The following CPE variants were observed in gnomAD, a reference collection of about 807,000 sequenced individuals.
CPE encodes carboxypeptidase E.
In CPE, 17 loss-of-function variants were observed where a neutral mutation model predicts 53.5. The observed-to-expected ratio is 0.32, with a 90% CI of 0.22 to 0.48. The LOEUF (loss-of-function observed/expected upper bound fraction) is 0.48, where lower values mean the gene tolerates loss of function less well. Among genes scored for constraint, CPE ranks in the 20% least tolerant of loss-of-function variants. The pLI is 0.99. For synonymous variants in CPE, 226 were observed against 228.8 expected, an observed-to-expected ratio of 0.99 and a Z score of 0.11; for missense variants, 524 against 614.7, an observed-to-expected ratio of 0.85 and a Z score of 1.56.
At position 165,480,981 on chromosome 4, in the gene CPE, C is replaced by T. The variant is rs1732396540; in HGVS notation, c.673-1261C>T. ...TCTTCTTTGTTCTTGTCTGTCTCTA[C>T]ATTTTCTACAATGGATATATATATA... is the stretch of plus-strand genomic sequence containing the variant. On this transcript the variant is annotated intron_variant, in intron 3 of 8. Transcript: ENST00000402744. Among the ~76,000 whole-genome samples the T allele has an allele frequency of 2.2e-5, 3 of 138,696 alleles. 1 individual carries two copies. The Middle Eastern group carries it at 0.011, about 514-fold the overall frequency. 91.0% of individuals were successfully genotyped at this position (138,696 alleles called of 152,430 possible).
At chr4:165,430,608 A>C (rs10029342) in intron 1 of CPE, among the ~76,000 whole-genome samples, 44,745 of 151,846 alleles carry the variant, frequency 0.29, 6,644 homozygotes, top group Middle Eastern at 0.39. Context: ...TATAGTTTGC[A>C]CTTCATGTTG....
At chr4:165,471,614 C>T (rs552383894) in intron 3 of CPE, among the ~76,000 whole-genome samples, 17 of 152,252 alleles carry the variant, frequency 1.1e-4, no homozygotes, top group African/African-American at 3.1e-4. Flanking sequence ...TCAGATAAGA[C>T]GTTTTAAATG....
intron 1 of CPE, among the ~76,000 whole-genome samples, chr4:165,389,008 A>G (rs1022545200): frequency 3.3e-5 from 5 of 152,206 alleles, no homozygotes; most frequent in Non-Finnish European, 7.3e-5. Context: ...TAACTCCACA[A>G]AATCAACAAG....
intron 1 of CPE, among the ~76,000 whole-genome samples, chr4:165,461,479 T>A (rs374264417): frequency 1.3e-5 from 2 of 151,994 alleles, no homozygotes; most frequent in East Asian, 3.9e-4. Context: ...ACTGATGGGT[T>A]CTTTGGTGGA....
At chr4:165,488,188 C>CATCATTATAATCATCACTAAATTAAA (rs1311700618) in intron 6 of CPE, among the ~76,000 whole-genome samples, 1 of 152,138 alleles carries the variant, frequency 6.6e-6, no homozygotes, top group African/African-American at 2.4e-5. Flanking sequence ...TTATCATCAT[C>CATCATTATAATCATCACTAAATTAAA]ATCATTATAA....
chr4:165,448,590 A>G (rs944764866), intron 1 of CPE, among the ~76,000 whole-genome samples: 2 of 152,018 alleles, frequency 1.3e-5, no homozygotes, highest in African/African-American at 4.8e-5. Context: ...AACATGTACA[A>G]CCACTGCTGG....
At chr4:165,425,344 A>C (rs202130950) in intron 1 of CPE, among the ~76,000 whole-genome samples, 1 of 151,850 alleles carries the variant, frequency 6.6e-6, no homozygotes, top group Non-Finnish European at 1.5e-5. Context: ...TGTTAAAAAA[A>C]ATTACTATTT....
chr4:165,415,376 A>AG (rs2126670283), intron 1 of CPE: 1 of 164,222 alleles, frequency 6.1e-6, no homozygotes, highest in South Asian at 2.1e-4. Flanking sequence ...TTCCTTTATC[A>AG]TTTGGATTAA....
chr4:165,383,777 T>A (rs1420344827), intron 1 of CPE, among the ~76,000 whole-genome samples: 1 of 152,236 alleles, frequency 6.6e-6, no homozygotes, highest in East Asian at 1.9e-4. Context: ...TTATAGCAGA[T>A]TAGTATGTGT....
At chr4:165,464,363 T>C in intron 1 of CPE, 27 bp from the exon 2 acceptor site, 1 of 1,549,172 alleles carries the variant, frequency 6.5e-7, no homozygotes, top group Non-Finnish European at 8.8e-7. Flanking sequence ...ATAGAAAACA[T>C]CTCCATGCTA....
intron 1 of CPE, among the ~76,000 whole-genome samples, chr4:165,412,515 C>T (rs907133442): frequency 6.6e-6 from 1 of 152,144 alleles, no homozygotes; most frequent in African/African-American, 2.4e-5. Flanking sequence ...CTCGATTTTA[C>T]AGATTAGGAA....
chr4:165,458,859 A>G (rs1470647533), intron 1 of CPE, among the ~76,000 whole-genome samples: 1 of 152,230 alleles, frequency 6.6e-6, no homozygotes, highest in East Asian at 1.9e-4. Context: ...GGGGCCAAAT[A>G]ACAGAGTGAA....
intron 1 of CPE, among the ~76,000 whole-genome samples, chr4:165,423,689 A>T (rs187601528): frequency 0.019 from 2,793 of 150,700 alleles, 83 homozygotes; most frequent in African/African-American, 0.063. Context: ...CATGTGCACA[A>T]TGTGCAGGTT....
At chr4:165,392,365 A>G (rs1180381613) in intron 1 of CPE, among the ~76,000 whole-genome samples, 1 of 146,338 alleles carries the variant, frequency 6.8e-6, no homozygotes, top group Non-Finnish European at 1.5e-5. Context: ...TACATATATC[A>G]TATATTTACA....
intron 1 of CPE, among the ~76,000 whole-genome samples, chr4:165,431,570 C>T (rs1441609739): frequency 6.6e-6 from 1 of 152,168 alleles, no homozygotes; most frequent in African/African-American, 2.4e-5. Flanking sequence ...GGGAGATTTT[C>T]TGAAAAAGAC....
intron 6 of CPE, among the ~76,000 whole-genome samples, chr4:165,491,742 G>A (rs1031581506): frequency 4.0e-5 from 6 of 151,170 alleles, no homozygotes; most frequent in Admixed American, 1.3e-4. Flanking sequence ...TTTTTTTTAA[G>A]AAAAATGGCA....
chr4:165,448,086 A>G (rs905390110), intron 1 of CPE, among the ~76,000 whole-genome samples: 6 of 152,216 alleles, frequency 3.9e-5, no homozygotes, highest in Non-Finnish European at 5.9e-5. Flanking sequence ...AGGTTCATCA[A>G]TAGGAGAGAG....
intron 1 of CPE, among the ~76,000 whole-genome samples, chr4:165,424,340 T>C (rs1177274675): frequency 6.6e-6 from 1 of 151,966 alleles, no homozygotes; most frequent in Non-Finnish European, 1.5e-5. Flanking sequence ...CTATCAGACG[T>C]TGTAGAATTA....
chr4:165,383,368 A>G (rs1730534519), intron 1 of CPE, among the ~76,000 whole-genome samples: 2 of 152,180 alleles, frequency 1.3e-5, no homozygotes, highest in African/African-American at 4.8e-5. Context: ...TATATCCATC[A>G]TCGAAATACA....
Sources: allele counts gnomAD v4.1 joint callset (sites outside exome capture counted in the v4.1 genomes callset), GRCh38; gene constraint gnomAD v4.1.1; transcripts MANE v1.5; gene names NCBI Gene and HGNC (gene_info 2026-07-23, HGNC 2026-07-21).